Variants in ARF1 observed in about 807,000 individuals in gnomAD.
The protein encoded by ARF1 is ARF GTPase 1, also known as ADP-ribosylation factor 1.
ARF1 carries 1 observed loss-of-function variant against 18.0 expected under a neutral mutation model. The ratio of observed to expected loss-of-function variants is 0.06; its 90% CI spans 0.02 to 0.26. ARF1 has a LOEUF of 0.26. ARF1 is among the 10% of genes least tolerant of loss of function. The probability of loss-of-function intolerance (pLI) is 1.00; values close to 1 mark genes in which losing one functional copy is unlikely to be tolerated. For missense variants in ARF1, 73 were observed against 247.2 expected (o/e 0.30, Z 4.73); for synonymous variants, 112 against 96.3 (o/e 1.16, Z -0.95).
At chr1:228,093,170 A>T (rs1571840504) in intron 1 of ARF1, among the ~76,000 whole-genome samples, 1 of 152,186 alleles carries the variant, frequency 6.6e-6, no homozygotes, top group Non-Finnish European at 1.5e-5. Flanking sequence ...GTTTGCTCCT[A>T]CCACAGGATA....
At chr1:228,091,452 AAAAC>A (rs2032574692) in intron 1 of ARF1, among the ~76,000 whole-genome samples, 1 of 152,202 alleles carries the variant, frequency 6.6e-6, no homozygotes, top group Admixed American at 6.5e-5. Flanking sequence ...TTGTGTAAAA[AAAAC>A]AGCAGACTCC....
At chr1:228,093,708 A>T (rs1418296989) in intron 1 of ARF1, among the ~76,000 whole-genome samples, 1 of 151,708 alleles carries the variant, frequency 6.6e-6, no homozygotes, top group Non-Finnish European at 1.5e-5. Context: ...TGATCATCTG[A>T]GGTCAGGGGT....
chr1:228,086,159 G>T (rs1485719957), intron 1 of ARF1, among the ~76,000 whole-genome samples: 1 of 152,180 alleles, frequency 6.6e-6, no homozygotes, highest in Non-Finnish European at 1.5e-5. Context: ...AGCATCTACA[G>T]CCCCGTGTTT....
chr1:228,097,007 T>C lies in ARF1; in HGVS notation c.-37-71T>C. 1 of 1,391,946 alleles carries C rather than the reference T, an allele frequency of 7.2e-7. No individual in the cohort carries two copies. The highest frequency in any genetic ancestry group is 1.4e-5 in the South Asian group (1 of 69,404). 86.2% of individuals were successfully genotyped at this position (1,391,946 alleles called of 1,614,324 possible). ...GTGGGGTGAGGCAGTGGTGCATCCC[T>C]GGGTGGGTGGGTTCTGAGCAACCAC... On this transcript the variant is annotated intron_variant, in intron 1 of 4. Coordinates refer to ENST00000272102, the MANE Select transcript of ARF1 (RefSeq NM_001658.4). The surrounding 1 kb of genome is among the most constrained non-coding windows in gnomAD (Gnocchi z 8.1).
At chr1:228,094,122 G>A (rs962039097) in intron 1 of ARF1, among the ~76,000 whole-genome samples, 6 of 151,098 alleles carry the variant, frequency 4.0e-5, no homozygotes, top group African/African-American at 1.2e-4. Flanking sequence ...TGCTGGGGTC[G>A]AGGGGGTTGG....
At chr1:228,096,073 T>C (rs1490772260) in intron 1 of ARF1, among the ~76,000 whole-genome samples, 1 of 152,138 alleles carries the variant, frequency 6.6e-6, no homozygotes, top group African/African-American at 2.4e-5. Context: ...CACACAGGCA[T>C]GTGTGGGCTC....
Position 228,098,290 on chromosome 1 carries a change from G to A in ARF1, c.*277G>A. 3.4e-6 allele frequency: 1 copy of A among 295,546 alleles called. No homozygotes were observed. Among genetic ancestry groups the A allele is most frequent in the South Asian group, 7.5e-5 (1 of 13,274 alleles). 18.3% of individuals were successfully genotyped at this position (295,546 alleles called of 1,614,324 possible). A position where few individuals can be genotyped will look rare whatever the true frequency, so the allele number is the denominator to read the frequency against. On this transcript the variant is annotated 3_prime_UTR_variant, in exon 5 of 5. Coordinates refer to ENST00000272102, the MANE Select transcript of ARF1 (RefSeq NM_001658.4). ...AAATCAACTCACTGTTCAGTGCTGAGAGGGGATGTAGGCCCATGGGCACCT... is the reference window on the plus strand; with the variant it reads ...AAATCAACTCACTGTTCAGTGCTGAAAGGGGATGTAGGCCCATGGGCACCT...
chr1:228,091,374 C>A (rs563032375), intron 1 of ARF1, among the ~76,000 whole-genome samples: 4 of 152,192 alleles, frequency 2.6e-5, no homozygotes, highest in African/African-American at 7.2e-5. Flanking sequence ...CCCTCATCTC[C>A]TAATGGCTGT....
At chr1:228,095,146 G>T (rs777209514) in intron 1 of ARF1, among the ~76,000 whole-genome samples, 1 of 152,048 alleles carries the variant, frequency 6.6e-6, no homozygotes, top group Non-Finnish European at 1.5e-5. Flanking sequence ...TATCTATCAG[G>T]TTTCTCTCCT....
chr1:228,083,284 GCGGCCTGAGA>G (rs1364173679), intron 1 of ARF1: 1 of 152,316 alleles, frequency 6.6e-6, no homozygotes, highest in Non-Finnish European at 1.5e-5. Flanking sequence ...TGAGGCTCGG[GCGGCCTGAGA>G]CGCCGTCAAG....
At chr1:228,090,374 A>T (rs1389229679) in intron 1 of ARF1, 1 of 152,184 alleles carries the variant, frequency 6.6e-6, no homozygotes, top group East Asian at 1.9e-4. Context: ...ACTGACCTCA[A>T]ACTGCTGGTT....
Position 228,087,644 on chromosome 1 carries a change from TAAAAA to T in ARF1, c.-38+4882_-38+4886del, listed in dbSNP as rs150861841. On this transcript the variant is annotated intron_variant, in intron 1 of 4. Transcript: ENST00000272102. ...GTAACAGAGCAGGACCCTTAGCTCT[TAAAAA>T]AATTTATACCTACTCATCAGCTGAG... is the stretch of plus-strand genomic sequence containing the variant. Among the ~76,000 whole-genome samples the T allele has an allele frequency of 3.6e-3, 553 of 152,152 alleles. 11 individuals carry two copies. The highest frequency in any genetic ancestry group is 0.03 in the East Asian group (156 of 5,166).
Position 228,098,170 on chromosome 1 carries a change from G to C in ARF1, c.*157G>C, listed in dbSNP as rs1485344291. The C allele has an allele frequency of 2.3e-6, 2 of 851,840 alleles. No individual in the cohort carries two copies. Among genetic ancestry groups the C allele is most frequent in the Non-Finnish European group, 3.4e-6 (2 of 584,876 alleles). 52.8% of individuals were successfully genotyped at this position (851,840 alleles called of 1,614,324 possible). ...ATGTGGCAGACGCAGCCTGCGGCCA[G>C]GCTTTTTATTTAATGTAAATAGTTT... On this transcript the variant is annotated 3_prime_UTR_variant, in exon 5 of 5. Transcript: ENST00000272102.
chr1:228,087,793 A>C lies in ARF1; in HGVS notation c.-38+5028A>C, dbSNP rs60245137. ...AGTAGTTAACAGCATCTACAACCCC[A>C]TTTTCCCACATTTTTATGGTCAAAA... is the stretch of plus-strand genomic sequence containing the variant. On this transcript the variant is annotated intron_variant, in intron 1 of 4. Coordinates refer to ENST00000272102, the MANE Select transcript of ARF1 (RefSeq NM_001658.4). Among the ~76,000 whole-genome samples the C allele has an allele frequency of 2.1e-3, 319 of 152,160 alleles. 2 individuals carry two copies. Among genetic ancestry groups the C allele is most frequent in the East Asian group, 0.015 (77 of 5,182 alleles).
intron 1 of ARF1, among the ~76,000 whole-genome samples, chr1:228,093,558 C>A (rs888335850): frequency 9.2e-5 from 14 of 151,680 alleles, no homozygotes; most frequent in African/African-American, 3.2e-4. Context: ...GTTCACCCAT[C>A]CTGGTTCTGC....
At chr1:228,095,957 CAA>C (rs2032732774) in intron 1 of ARF1, among the ~76,000 whole-genome samples, 1 of 152,234 alleles carries the variant, frequency 6.6e-6, no homozygotes, top group South Asian at 2.1e-4. Flanking sequence ...AAACCAAGAG[CAA>C]AGTGTCCAAA....
Position 228,087,184 on chromosome 1 carries a change from A to G in ARF1, c.-38+4419A>G, listed in dbSNP as rs368882836. ...GGGCTTCCAGTGGTAGCATGGCTAGACATGAGACATCTTTCCATTTGTGTC... is the reference window on the plus strand; with the variant it reads ...GGGCTTCCAGTGGTAGCATGGCTAGGCATGAGACATCTTTCCATTTGTGTC... On this transcript the variant is annotated intron_variant, in intron 1 of 4. Coordinates refer to ENST00000272102, the MANE Select transcript of ARF1 (RefSeq NM_001658.4). Among the ~76,000 whole-genome samples the G allele has an allele frequency of 1.6e-4, 24 of 152,248 alleles. 1 individual carries two copies. The East Asian group carries it at 4.4e-3, about 28-fold the overall frequency.
At chr1:228,092,697 C>T (rs952544407) in intron 1 of ARF1, among the ~76,000 whole-genome samples, 9 of 152,182 alleles carry the variant, frequency 5.9e-5, no homozygotes, top group African/African-American at 2.2e-4. Context: ...CTGTTCCCTT[C>T]CCTGACTCAT....
At chr1:228,087,959 T>C (rs1245944699) in intron 1 of ARF1, among the ~76,000 whole-genome samples, 2 of 152,224 alleles carry the variant, frequency 1.3e-5, no homozygotes, top group Non-Finnish European at 2.9e-5. Context: ...TCATGAGCCC[T>C]ATGGGCCTGA....
Sources: allele counts gnomAD v4.1 joint callset (sites outside exome capture counted in the v4.1 genomes callset), GRCh38; gene constraint gnomAD v4.1.1; non-coding constraint Gnocchi (gnomAD v3.1); transcripts MANE v1.5; gene names NCBI Gene and HGNC (gene_info 2026-07-23, HGNC 2026-07-21).